Variants in LY75 observed in about 807,000 individuals in gnomAD.
LY75 encodes lymphocyte antigen 75.
Under a neutral mutation model 231.7 loss-of-function variants are expected in LY75, and 185 were observed. That is an observed-to-expected ratio of 0.80 (90% CI 0.71 to 0.90). The LOEUF (loss-of-function observed/expected upper bound fraction) is 0.90, where lower values mean the gene tolerates loss of function less well. LY75 is among the 40% of genes least tolerant of loss of function. The pLI is 0.00. For synonymous variants in LY75, 668 were observed against 689.0 expected (o/e 0.97, Z 0.48); for missense variants, 1,947 against 2,050.2 (o/e 0.95, Z 0.97).
intron 9 of LY75, 26 bp from the exon 10 acceptor site, chr2:159,878,747 A>G (rs1685348190): frequency 6.2e-7 from 1 of 1,612,510 alleles, no homozygotes; most frequent in African/African-American, 1.3e-5. Flanking sequence ...AATATTGTCA[A>G]ACTCTTTTCC....
At chr2:159,850,794 A>ATATATATATATATATATATG (rs1560081043) in intron 21 of LY75, among the ~76,000 whole-genome samples, 4 of 131,520 alleles carry the variant, frequency 3.0e-5, no homozygotes, top group African/African-American at 1.2e-4. Context: ...ATATATATAT[A>ATATATATATATATATATATG]TATATTATAT....
At chr2:159,876,509 T>A (rs1685269728) in intron 11 of LY75, among the ~76,000 whole-genome samples, 1 of 152,090 alleles carries the variant, frequency 6.6e-6, no homozygotes, top group South Asian at 2.1e-4. Flanking sequence ...GGTGTGCTAT[T>A]TTTCCCTGTT....
intron 5 of LY75, among the ~76,000 whole-genome samples, chr2:159,886,119 G>T (rs983470543): frequency 1.3e-5 from 2 of 152,182 alleles, no homozygotes; most frequent in Non-Finnish European, 2.9e-5. Flanking sequence ...GACATGCCAA[G>T]TCCTTTAGGG....
chr2:159,887,238 C>CACACACAA, intron 4 of LY75, among the ~76,000 whole-genome samples: 1 of 150,946 alleles, frequency 6.6e-6, no homozygotes, highest in Non-Finnish European at 1.5e-5. Flanking sequence ...CACACACACA[C>CACACACAA]ACACACACAC....
Position 159,892,177 on chromosome 2 carries a change from G to A in LY75, c.637+1737C>T, listed in dbSNP as rs570262941. Among the ~76,000 whole-genome samples, 125 of 152,272 alleles carry A rather than the reference G, an allele frequency of 8.2e-4. 1 individual carries two copies. Among genetic ancestry groups the A allele is most frequent in the African/African-American group, 2.9e-3 (119 of 41,546 alleles). On this transcript the variant is annotated intron_variant, in intron 3 of 34. Transcript: ENST00000263636. ...ATCTGTGTTCTAACAAACTCTCCATGTGATTCTGTTGCACCCTGAAATCTT... is the reference window on the plus strand; with the variant it reads ...ATCTGTGTTCTAACAAACTCTCCATATGATTCTGTTGCACCCTGAAATCTT...
chr2:159,883,131 G>C (rs1210506248), intron 6 of LY75, among the ~76,000 whole-genome samples: 4 of 135,404 alleles, frequency 3.0e-5, no homozygotes, highest in African/African-American at 8.1e-5. Flanking sequence ...GTTGTGGGGT[G>C]GGGGGAGGGG....
Position 159,810,549 on chromosome 2 carries a change from G to C in LY75, c.4676C>G (p.Ala1559Gly). 1 of 1,611,264 alleles carries C rather than the reference G, an allele frequency of 6.2e-7. No homozygotes were observed. Among genetic ancestry groups the C allele is most frequent in the African/African-American group, 1.3e-5 (1 of 74,712 alleles). ...ACCATGTTTTGAACACAATTTTTTG[G>C]CCTCTGAAAAACTGTGCAATGCCTG... is the stretch of plus-strand genomic sequence containing the variant. The part of the protein sequence containing the change: ...SDQALHSFSE[A>G]KKLCSKHDHS... Residue 1559 changes from alanine to glycine, a missense_variant, in exon 32 of 35, where the codon GCC becomes GGC. Physicochemically the swap from Ala to Gly is moderately conservative, Grantham distance 60 (BLOSUM62 0). Transcript: ENST00000263636.
chr2:159,805,068 A>T lies in LY75; in HGVS notation c.5145T>A (p.Ile1715=), dbSNP rs35249409. The change falls in exon 35 of 35, where the codon ATT becomes ATA. Residue 1715 remains isoleucine (I), a synonymous_variant. Coordinates refer to ENST00000263636, the MANE Select transcript of LY75 (RefSeq NM_002349.4). ...TTTAGTCATGGAAAGAAGGAAGCAT[A>T]ATCTCATCTTCATTCACTCCTTGTG... ...RYAQGVNEDE[I]MLPSFHD 3.2e-4 allele frequency: 512 copies of T among 1,613,992 alleles called. 2 individuals carry two copies. The African/African-American group carries it at 6.3e-3, about 20-fold the overall frequency.
chr2:159,866,304 T>C (rs1012494664), intron 13 of LY75, among the ~76,000 whole-genome samples: 2 of 152,202 alleles, frequency 1.3e-5, no homozygotes, highest in Admixed American at 6.6e-5. Flanking sequence ...AATAAATAAT[T>C]GCTTTTCTTT....
intron 8 of LY75, among the ~76,000 whole-genome samples, chr2:159,880,877 G>C (rs549444036): frequency 6.6e-6 from 1 of 152,188 alleles, no homozygotes. Flanking sequence ...GCGGAGTTCA[G>C]GCAGTAATGC....
At chr2:159,873,992 T>C (rs1461620392) in intron 12 of LY75, among the ~76,000 whole-genome samples, 1 of 64,814 alleles carries the variant, frequency 1.5e-5, no homozygotes, top group African/African-American at 5.4e-5. Context: ...TAAAAATACA[T>C]ATAAACGTAT....
Position 159,850,137 on chromosome 2 carries a change from A to G in LY75, c.2993T>C (p.Phe998Ser), listed in dbSNP as rs200015479. The G allele has an allele frequency of 1.2e-6, 2 of 1,603,830 alleles. No individual in the cohort carries two copies. Among genetic ancestry groups the G allele is most frequent in the Non-Finnish European group, 1.7e-6 (2 of 1,177,612 alleles). Residue 998 changes from phenylalanine (F) to serine (S), a missense_variant, in exon 23 of 35, where the codon TTT (phenylalanine) becomes TCT (serine). Transcript: ENST00000263636. ...PSVLSQIEQD[F>S]ITSLLPDMEA... is the part of the protein sequence containing the mutation. ...CATATCCGGAAGCAAGGATGTAATA[A>G]AGTCTGTTAGAAAGAGATTTTTAAA... is the stretch of plus-strand genomic sequence containing the variant.
rs916451354 is a variant in LY75 at position 159,850,085 on chromosome 2, G to A, written c.3045C>T (p.Arg1015=). 6.2e-7 allele frequency: 1 copy of A among 1,613,870 alleles called. No homozygotes were observed. The highest frequency in any genetic ancestry group is 2.2e-5 in the East Asian group (1 of 44,860). Residue 1015 remains arginine, a synonymous_variant, in exon 23 of 35, where the codon CGC becomes CGT. Transcript: ENST00000263636. ...TGTTTATCTTTTCATAGGCAGTCCA[G>A]CGCAAACCAATCCATAAAGTAGCTT... ...DMEATLWIGL[R]WTAYEKINKW... is the part of the protein sequence containing the mutation.
intron 14 of LY75, among the ~76,000 whole-genome samples, chr2:159,862,825 T>C (rs1179628692): frequency 1.3e-5 from 2 of 152,132 alleles, no homozygotes; most frequent in African/African-American, 4.8e-5. Flanking sequence ...ACACTTAACA[T>C]CTACTTTTAG....
At chr2:159,852,594 T>C (rs143135131) in intron 20 of LY75, among the ~76,000 whole-genome samples, 2 of 152,152 alleles carry the variant, frequency 1.3e-5, no homozygotes, top group Admixed American at 6.5e-5. Context: ...AATTTTTGTA[T>C]TTTTAGTAGA....
chr2:159,861,546 G>A (rs138800598), intron 14 of LY75, among the ~76,000 whole-genome samples: 5 of 152,226 alleles, frequency 3.3e-5, no homozygotes, highest in African/African-American at 1.2e-4. Flanking sequence ...CCAGGAATTC[G>A]AGACCAGCCT....
Position 159,881,082 on chromosome 2 carries a change from C to G in LY75, c.1404+1G>C, listed in dbSNP as rs752406596. On this transcript the variant is annotated splice_donor_variant, in intron 8 of 34. Coordinates refer to ENST00000263636, the MANE Select transcript of LY75 (RefSeq NM_002349.4). LOFTEE classifies it high-confidence loss of function. ...TAAAGAAACCACAGGAGGTTTCGTA[C>G]CTCTCCTAAGTAGGAAACACAGTTG... 1 of 1,612,182 alleles carries G rather than the reference C, an allele frequency of 6.2e-7. No individual in the cohort carries two copies. The highest frequency in any genetic ancestry group is 8.5e-7 in the Non-Finnish European group (1 of 1,179,422).
chr2:159,825,090 C>G (rs971862925), intron 28 of LY75, among the ~76,000 whole-genome samples: 10 of 152,006 alleles, frequency 6.6e-5, no homozygotes, highest in Admixed American at 6.6e-4. Context: ...TAGCAGAAGA[C>G]AAGAAATAAC....
intron 23 of LY75, among the ~76,000 whole-genome samples, chr2:159,847,917 T>C (rs1163831843): frequency 6.6e-6 from 1 of 151,862 alleles, no homozygotes; most frequent in African/African-American, 2.4e-5. Flanking sequence ...TATGATTGTG[T>C]AAAACTGGAA....
Sources: gnomAD v4.1 joint callset for allele counts (sites outside exome capture counted in the v4.1 genomes callset) on GRCh38, gnomAD v4.1.1 for gene constraint, MANE v1.5 for transcripts, NCBI Gene and HGNC (gene_info 2026-07-23, HGNC 2026-07-21) for gene names.